Variants in APCDD1 observed in about 807,000 individuals in gnomAD.
The protein encoded by APCDD1 is protein APCDD1.
Under a neutral mutation model 38.1 loss-of-function variants are expected in APCDD1, and 15 were observed. The observed-to-expected ratio is 0.39, with a 90% CI of 0.26 to 0.61. The LOEUF (loss-of-function observed/expected upper bound fraction) is 0.61. Ranked by LOEUF, APCDD1 falls within the 20% of genes least tolerant of loss-of-function variation. The probability of loss-of-function intolerance (pLI) is 0.49; values close to 1 mark genes in which losing one functional copy is unlikely to be tolerated. For synonymous variants in APCDD1, 261 were observed against 279.7 expected (o/e 0.93, Z 0.67); for missense variants, 647 against 696.2 (o/e 0.93, Z 0.79).
chr18:10,470,796 T>C lies in APCDD1; in HGVS notation c.243-734T>C, dbSNP rs2030833121. Among the ~76,000 whole-genome samples, 1 of 152,244 alleles carries C rather than the reference T, an allele frequency of 6.6e-6. No homozygotes were observed. The highest frequency in any genetic ancestry group is 2.4e-5 in the African/African-American group (1 of 41,464). ...TCCCTCAATTCCATCCCGCTGCTGT[T>C]ATGCTCTGTAGATTCTGTCTCAGTG... On this transcript the variant is annotated intron_variant, in intron 2 of 4. Coordinates refer to ENST00000355285, the MANE Select transcript of APCDD1 (RefSeq NM_153000.5). This position sits in a 1 kb window ranked among gnomAD's most constrained non-coding sequence, Gnocchi z 4.1.
chr18:10,462,881 G>A (rs554716229), intron 1 of APCDD1, among the ~76,000 whole-genome samples: 91 of 151,630 alleles, frequency 6.0e-4, no homozygotes, highest in African/African-American at 2.1e-3. Flanking sequence ...CCTTATCATC[G>A]ATCTTCCTGC....
At chr18:10,456,417 A>G (rs779632734) in intron 1 of APCDD1, among the ~76,000 whole-genome samples, 2 of 152,230 alleles carry the variant, frequency 1.3e-5, no homozygotes, top group African/African-American at 2.4e-5. Flanking sequence ...CAGCTGCCAC[A>G]CACACAAGAA....
In APCDD1 at chr18:10,489,025, AC is replaced by A. The variant is rs1403993045; in HGVS notation, c.*988del. ...TCTAAGATGAACATGCAGAGACAGA[AC>A]TTCAGCTGCTCAGAGAGAGTGCAGT... On this transcript the variant is annotated 3_prime_UTR_variant, in exon 5 of 5. Coordinates refer to ENST00000355285, the MANE Select transcript of APCDD1 (RefSeq NM_153000.5). 5.9e-5 allele frequency: 9 copies of A among 152,264 alleles called. No individual in the cohort carries two copies. Among genetic ancestry groups the A allele is most frequent in the Admixed American group, 5.9e-4 (9 of 15,282 alleles). 9.4% of individuals were successfully genotyped at this position (152,264 alleles called of 1,614,324 possible). A position where few individuals can be genotyped will look rare whatever the true frequency, so the allele number is the denominator to read the frequency against.
At position 10,473,564 on chromosome 18, in the gene APCDD1, T is replaced by C. The variant is rs181033754; in HGVS notation, c.774+1503T>C. ...GCAGCTGTCAGGGGGTCCCAGAGGT[T>C]TTCCTAGAATGGGACACAGGGAAAG... On this transcript the variant is annotated intron_variant, in intron 3 of 4. Transcript: ENST00000355285. 7.1e-3 allele frequency among the ~76,000 whole-genome samples: 1,076 copies of C among 152,262 alleles called. 13 individuals are homozygous for C. The highest frequency in any genetic ancestry group is 0.025 in the African/African-American group (1,026 of 41,546).
Position 10,471,476 on chromosome 18 carries a change from C to CT in APCDD1, c.243-51dup. On this transcript the variant is annotated intron_variant, in intron 2 of 4. Coordinates refer to ENST00000355285, the MANE Select transcript of APCDD1 (RefSeq NM_153000.5). The surrounding 1 kb of genome is among the most constrained non-coding windows in gnomAD (Gnocchi z 5.5). ...AATTTCTTAATACTATAATGAATCT[C>CT]TTTCCCATACCTTCAGGCTTACAAA... 6.2e-7 allele frequency: 1 copy of CT among 1,607,568 alleles called. No individual in the cohort carries two copies. The highest frequency in any genetic ancestry group is 1.7e-4 in the Middle Eastern group (1 of 6,048).
rs1411725532 is a variant in APCDD1 at position 10,488,879 on chromosome 18, C to T, written c.*841C>T. The T allele has an allele frequency of 6.6e-6, 1 of 152,170 alleles. No homozygotes were observed. The highest frequency in any genetic ancestry group is 2.4e-5 in the African/African-American group (1 of 41,428). 9.4% of individuals were successfully genotyped at this position (152,170 alleles called of 1,614,324 possible). A position where few individuals can be genotyped will look rare whatever the true frequency, so the allele number is the denominator to read the frequency against. On this transcript the variant is annotated 3_prime_UTR_variant, in exon 5 of 5. Transcript: ENST00000355285. The stretch of plus-strand genomic sequence containing the variant: ...GGTGGCTGCAGTGTGGTACATGCCA[C>T]ACAAATGATAGAGAAAGTGCCCGTT...
intron 1 of APCDD1, among the ~76,000 whole-genome samples, chr18:10,458,377 G>A (rs746849050): frequency 4.6e-5 from 7 of 152,222 alleles, no homozygotes; most frequent in Non-Finnish European, 7.3e-5. Context: ...GACATAATGT[G>A]AGGAAACGTT....
chr18:10,467,189 A>G lies in APCDD1; in HGVS notation c.59-1280A>G, dbSNP rs1237818675. Among the ~76,000 whole-genome samples, 1 of 152,166 alleles carries G rather than the reference A, an allele frequency of 6.6e-6. No individual in the cohort carries two copies. Among genetic ancestry groups the G allele is most frequent in the African/African-American group, 2.4e-5 (1 of 41,440 alleles). ...TGCAGGTCTCAGTTTATCCAGGTAG[A>G]TTTTCGTCATGTTGCTGTAAGTGAC... On this transcript the variant is annotated intron_variant, in intron 1 of 4. Coordinates refer to ENST00000355285, the MANE Select transcript of APCDD1 (RefSeq NM_153000.5). This position sits in a 1 kb window ranked among gnomAD's most constrained non-coding sequence, Gnocchi z 4.8.
chr18:10,463,297 C>T (rs959203726), intron 1 of APCDD1, among the ~76,000 whole-genome samples: 7 of 152,146 alleles, frequency 4.6e-5, no homozygotes, highest in African/African-American at 1.4e-4. Flanking sequence ...CTTGCCCAAC[C>T]GAGACTCCCT....
intron 3 of APCDD1, among the ~76,000 whole-genome samples, chr18:10,482,427 G>A (rs2031162268): frequency 6.6e-6 from 1 of 152,236 alleles, no homozygotes; most frequent in African/African-American, 2.4e-5. Context: ...GCGATGAGCT[G>A]CAAATGGTAG....
intron 3 of APCDD1, among the ~76,000 whole-genome samples, chr18:10,474,798 C>T (rs796272178): frequency 9.2e-5 from 14 of 152,356 alleles, no homozygotes; most frequent in African/African-American, 3.4e-4. Flanking sequence ...TGTCCCTCTG[C>T]AGACCTGTCT....
At chr18:10,478,040 C>G (rs2031047539) in intron 3 of APCDD1, among the ~76,000 whole-genome samples, 1 of 152,118 alleles carries the variant, frequency 6.6e-6, no homozygotes, top group Non-Finnish European at 1.5e-5. Context: ...CCTTGGAAGT[C>G]CATTTCCAGA....
intron 3 of APCDD1, among the ~76,000 whole-genome samples, chr18:10,482,894 CAG>C (rs1456884641): frequency 6.6e-6 from 1 of 152,216 alleles, no homozygotes; most frequent in Admixed American, 6.5e-5. Flanking sequence ...CTACCGTACT[CAG>C]TGATGCTTTC....
At chr18:10,484,944 A>G (rs1223211883) in intron 3 of APCDD1, among the ~76,000 whole-genome samples, 2 of 152,100 alleles carry the variant, frequency 1.3e-5, no homozygotes, top group African/African-American at 4.8e-5. Context: ...CCCAGAAGTG[A>G]GATTGCTGGG....
chr18:10,460,539 AAAAAAAC>A (rs1205351268), intron 1 of APCDD1, among the ~76,000 whole-genome samples: 9 of 151,870 alleles, frequency 5.9e-5, no homozygotes, highest in African/African-American at 1.7e-4. Flanking sequence ...TCTCAAAAAA[AAAAAAAC>A]AAAAAACAAA....
At chr18:10,456,473 ATTG>A (rs745797038) in intron 1 of APCDD1, among the ~76,000 whole-genome samples, 10 of 152,208 alleles carry the variant, frequency 6.6e-5, no homozygotes, top group Non-Finnish European at 1.3e-4. Context: ...CCTTAAAAAA[ATTG>A]TTGTAATATC....
At chr18:10,482,573 G>A (rs998245777) in intron 3 of APCDD1, among the ~76,000 whole-genome samples, 1 of 152,202 alleles carries the variant, frequency 6.6e-6, no homozygotes, top group Non-Finnish European at 1.5e-5. Flanking sequence ...TGAGCCAGGG[G>A]CCGGCTCCTG....
intron 1 of APCDD1, among the ~76,000 whole-genome samples, chr18:10,460,781 C>T (rs1490646727): frequency 2.0e-5 from 3 of 152,144 alleles, no homozygotes; most frequent in African/African-American, 7.2e-5. Flanking sequence ...TGTTTGGTTT[C>T]CGGGTACACT....
chr18:10,464,311 A>AACACACACACACACAC lies in APCDD1; in HGVS notation c.59-4140_59-4125dup, dbSNP rs541648834. On this transcript the variant is annotated intron_variant, in intron 1 of 4. Coordinates refer to ENST00000355285, the MANE Select transcript of APCDD1 (RefSeq NM_153000.5). ...GTGAGACCTTAAAAGCTTCAAAGTA[A>AACACACACACACACAC]ACACACACACACACACACACACACA... 4.2e-3 allele frequency among the ~76,000 whole-genome samples: 625 copies of AACACACACACACACAC among 147,088 alleles called. 4 individuals carry two copies. The highest frequency in any genetic ancestry group is 6.8e-3 in the Middle Eastern group (2 of 292).
Sources: allele counts gnomAD v4.1 joint callset (sites outside exome capture counted in the v4.1 genomes callset), GRCh38; gene constraint gnomAD v4.1.1; non-coding constraint Gnocchi (gnomAD v3.1); transcripts MANE v1.5; gene names NCBI Gene and HGNC (gene_info 2026-07-23, HGNC 2026-07-21).